The following EYA2 variants were observed in gnomAD, a reference collection of about 807,000 sequenced individuals.
EYA2 encodes the protein EYA transcriptional coactivator and phosphatase 2.
EYA2 carries 31 observed loss-of-function variants against 69.2 expected under a neutral mutation model. That is an observed-to-expected ratio of 0.45 (90% CI 0.34 to 0.60). The LOEUF (loss-of-function observed/expected upper bound fraction) is 0.60, where lower values mean the gene tolerates loss of function less well. Ranked by LOEUF, EYA2 falls within the 20% of genes least tolerant of loss-of-function variation. The pLI, the probability that EYA2 is intolerant of heterozygous loss-of-function variation, is 0.02. For missense variants in EYA2, 622 were observed against 701.2 expected, an observed-to-expected ratio of 0.89 and a Z score of 1.28; for synonymous variants, 257 against 279.4, an observed-to-expected ratio of 0.92 and a Z score of 0.80.
intron 10 of EYA2, among the ~76,000 whole-genome samples, chr20:47,153,495 A>C (rs993560418): frequency 2.0e-5 from 3 of 151,792 alleles, no homozygotes; most frequent in Non-Finnish European, 2.9e-5. Flanking sequence ...ACAAAAAAAA[A>C]CAAAACAAAA....
intron 1 of EYA2, among the ~76,000 whole-genome samples, chr20:46,947,217 C>T (rs1156974099): frequency 6.6e-6 from 1 of 151,990 alleles, no homozygotes; most frequent in Non-Finnish European, 1.5e-5. Context: ...CCAAACTCAT[C>T]TTAGAACTTT....
rs1421915489 is a variant in EYA2 at position 47,135,840 on chromosome 20, AACAAACAAACAAAC to A, written c.889-7217_889-7204del. Among the ~76,000 whole-genome samples the A allele has an allele frequency of 7.3e-4, 54 of 74,094 alleles. 1 individual carries two copies. Among genetic ancestry groups the A allele is most frequent in the African/African-American group, 5.9e-3 (41 of 6,908 alleles). 48.6% of individuals were successfully genotyped at this position (74,094 alleles called of 152,430 possible). A position where few individuals can be genotyped will look rare whatever the true frequency, so the allele number is the denominator to read the frequency against. On this transcript the variant is annotated intron_variant, in intron 9 of 15. Coordinates refer to ENST00000327619, the MANE Select transcript of EYA2 (RefSeq NM_005244.5). ...CTACAAAAAAAAAAAAAAAAAAAAAAACAAACAAACAAACAAAAAACTAATTAATTAATTAATTA... is the reference window on the plus strand; with the variant it reads ...CTACAAAAAAAAAAAAAAAAAAAAAAAAAAAACTAATTAATTAATTAATTA...
intron 7 of EYA2, among the ~76,000 whole-genome samples, chr20:47,075,521 T>C (rs986672380): frequency 1.1e-4 from 17 of 152,080 alleles, no homozygotes; most frequent in Non-Finnish European, 2.5e-4. Flanking sequence ...AGCCAGGAAC[T>C]GTGTACACAG....
intron 1 of EYA2, among the ~76,000 whole-genome samples, chr20:46,896,273 A>G (rs933677591): frequency 5.3e-5 from 8 of 152,174 alleles, no homozygotes; most frequent in Admixed American, 2.0e-4. Flanking sequence ...AACCGAATCT[A>G]TTAATTTCAT....
At chr20:47,032,831 T>C (rs530424395) in intron 5 of EYA2, among the ~76,000 whole-genome samples, 1 of 152,362 alleles carries the variant, frequency 6.6e-6, no homozygotes, top group African/African-American at 2.4e-5. Context: ...GTTATGGATA[T>C]ACCACGGCAT....
chr20:46,933,835 T>C (rs1985780863), intron 1 of EYA2, among the ~76,000 whole-genome samples: 1 of 152,144 alleles, frequency 6.6e-6, no homozygotes, highest in African/African-American at 2.4e-5. Flanking sequence ...CAGAGAGTAA[T>C]GAGAGAGGCA....
chr20:46,961,641 A>C (rs1372078975), intron 1 of EYA2, among the ~76,000 whole-genome samples: 1 of 152,264 alleles, frequency 6.6e-6, no homozygotes, highest in Non-Finnish European at 1.5e-5. Flanking sequence ...CAATGAATGG[A>C]AAAAGAAAAT....
At chr20:47,172,236 A>C (rs117309329) in intron 11 of EYA2, among the ~76,000 whole-genome samples, 2,722 of 152,190 alleles carry the variant, frequency 0.018, 117 homozygotes, top group East Asian at 0.17. Flanking sequence ...GAGTTCAAGA[A>C]CAGCCCAGGC....
intron 8 of EYA2, among the ~76,000 whole-genome samples, chr20:47,094,967 A>G (rs1346219813): frequency 6.6e-6 from 1 of 152,170 alleles, no homozygotes; most frequent in Non-Finnish European, 1.5e-5. Flanking sequence ...GGAGAGGTCT[A>G]GGCTGCAGTG....
chr20:47,006,099 T>G (rs541224028), intron 4 of EYA2, among the ~76,000 whole-genome samples: 3 of 152,304 alleles, frequency 2.0e-5, no homozygotes, highest in African/African-American at 7.2e-5. Flanking sequence ...CCCACTGTGG[T>G]GGCAAAGACA....
intron 9 of EYA2, among the ~76,000 whole-genome samples, chr20:47,126,789 A>G (rs2033201695): frequency 6.6e-6 from 1 of 152,150 alleles, no homozygotes. Flanking sequence ...GTCTGGAGAC[A>G]TTTTTGACTG....
intron 9 of EYA2, among the ~76,000 whole-genome samples, chr20:47,134,941 C>CGTG (rs2033425074): frequency 1.3e-5 from 2 of 151,978 alleles, no homozygotes; most frequent in South Asian, 4.1e-4. Context: ...TCCTGGCTAA[C>CGTG]GTGGTGAAAC....
intron 2 of EYA2, among the ~76,000 whole-genome samples, chr20:46,991,130 G>A (rs118015976): frequency 2.0e-5 from 3 of 152,160 alleles, no homozygotes; most frequent in Non-Finnish European, 4.4e-5. Context: ...CTGCCCAGGG[G>A]CCTTTGAGAG....
intron 5 of EYA2, among the ~76,000 whole-genome samples, chr20:47,049,110 CTCAG>C (rs762925985): frequency 2.6e-5 from 4 of 152,218 alleles, no homozygotes; most frequent in East Asian, 1.9e-4. Flanking sequence ...CAGATTCAAA[CTCAG>C]TCAGTCCCTA....
At chr20:46,917,274 A>G (rs1028333617) in intron 1 of EYA2, among the ~76,000 whole-genome samples, 1 of 152,230 alleles carries the variant, frequency 6.6e-6, no homozygotes, top group Non-Finnish European at 1.5e-5. Flanking sequence ...CCAGGCACGC[A>G]GGAAGTGCTC....
chr20:47,187,707 C>G (rs2034672784), intron 15 of EYA2, among the ~76,000 whole-genome samples: 1 of 152,236 alleles, frequency 6.6e-6, no homozygotes, highest in Non-Finnish European at 1.5e-5. Context: ...CAGGCAAGAA[C>G]AAATTTTTAA....
intron 5 of EYA2, among the ~76,000 whole-genome samples, chr20:47,055,938 C>T (rs2030589381): frequency 6.6e-6 from 1 of 152,062 alleles, no homozygotes; most frequent in Non-Finnish European, 1.5e-5. Flanking sequence ...TCCTCTGCAG[C>T]AGGATGGCTC....
At chr20:46,943,853 T>C (rs1986254125) in intron 1 of EYA2, among the ~76,000 whole-genome samples, 1 of 152,244 alleles carries the variant, frequency 6.6e-6, no homozygotes, top group Non-Finnish European at 1.5e-5. Context: ...AAAGAACTTC[T>C]CTGTGGCTTG....
intron 1 of EYA2, among the ~76,000 whole-genome samples, chr20:46,951,752 C>A (rs1455094067): frequency 1.3e-5 from 2 of 152,190 alleles, no homozygotes; most frequent in Admixed American, 6.5e-5. Context: ...GTGGCCCAGG[C>A]AGGAGAGGAT....
Sources: allele counts gnomAD v4.1 joint callset (sites outside exome capture counted in the v4.1 genomes callset), GRCh38; gene constraint gnomAD v4.1.1; transcripts MANE v1.5; gene names NCBI Gene and HGNC (gene_info 2026-07-23, HGNC 2026-07-21).